ERC2: variants seen among roughly 807,000 people sequenced by gnomAD.
ERC2 encodes ELKS/RAB6-interacting/CAST family member 2, also known as ERC protein 2.
Under a neutral mutation model 114.8 loss-of-function variants are expected in ERC2, and 42 were observed. That is an observed-to-expected ratio of 0.37 (90% CI 0.29 to 0.47). ERC2 has a LOEUF of 0.47. Ranked by LOEUF, ERC2 falls within the 20% of genes least tolerant of loss-of-function variation. ERC2 has a pLI of 0.99. For synonymous variants in ERC2, 454 were observed against 425.5 expected, an observed-to-expected ratio of 1.07 and a Z score of -0.82; for missense variants, 939 against 1,150.7, an observed-to-expected ratio of 0.82 and a Z score of 2.66.
chr3:56,114,134 A>T (rs2079107435), intron 6 of ERC2, among the ~76,000 whole-genome samples: 1 of 152,232 alleles, frequency 6.6e-6, no homozygotes, highest in Non-Finnish European at 1.5e-5. Context: ...AGCTATGAAT[A>T]TTCATGAAGG....
In ERC2 at chr3:56,007,194, G is replaced by C; in HGVS notation, c.2048C>G (p.Ala683Gly). 1 of 1,564,888 alleles carries C rather than the reference G, an allele frequency of 6.4e-7. No homozygotes were observed. Among genetic ancestry groups the C allele is most frequent in the Non-Finnish European group, 8.7e-7 (1 of 1,154,434 alleles). The change falls in exon 10 of 18, where the codon GCA (alanine) becomes GGA (glycine). Residue 683 changes from alanine to glycine, a missense_variant. Around this residue, in one of 5 missense-constraint regions of ERC2, gnomAD observed 328 missense variants for 353.9 expected, o/e 0.93. Coordinates refer to ENST00000288221, the MANE Select transcript of ERC2 (RefSeq NM_015576.3). Reference protein sequence around the residue: ...QKKEECSKLEAQLKKAHNIED... With the variant: ...QKKEECSKLEGQLKKAHNIED... ...GACTTCACTTACCTTTTTTAACTGT[G>C]CTTCCAATTTGCTACATTCCTCTTT...
At chr3:56,466,453 C>G (rs1294586349) in intron 1 of ERC2, among the ~76,000 whole-genome samples, 1 of 152,200 alleles carries the variant, frequency 6.6e-6, no homozygotes, top group East Asian at 1.9e-4. Context: ...GAAAGTCTTG[C>G]TGGTGAAAAC....
chr3:56,093,792 G>A (rs1389091845), intron 6 of ERC2, among the ~76,000 whole-genome samples: 4 of 152,066 alleles, frequency 2.6e-5, no homozygotes, highest in African/African-American at 9.7e-5. Context: ...AATACTAGGT[G>A]TCTACAAGGT....
At chr3:55,952,538 C>T (rs2067652931) in intron 12 of ERC2, among the ~76,000 whole-genome samples, 1 of 152,088 alleles carries the variant, frequency 6.6e-6, no homozygotes, top group African/African-American at 2.4e-5. Flanking sequence ...TAACCTAAGG[C>T]AGGCGCATTT....
chr3:56,184,927 C>T (rs1378763118), intron 3 of ERC2, among the ~76,000 whole-genome samples: 1 of 152,190 alleles, frequency 6.6e-6, no homozygotes, highest in Non-Finnish European at 1.5e-5. Context: ...TTGCACTACT[C>T]TGTTGGACTC....
intron 17 of ERC2, among the ~76,000 whole-genome samples, chr3:55,515,156 T>G (rs1274235542): frequency 6.6e-6 from 1 of 152,200 alleles, no homozygotes; most frequent in African/African-American, 2.4e-5. Flanking sequence ...TGATGACAAT[T>G]ATGACGTCAA....
chr3:56,128,191 C>CTCAA (rs2079998182), intron 6 of ERC2, among the ~76,000 whole-genome samples: 1 of 152,304 alleles, frequency 6.6e-6, no homozygotes, highest in African/African-American at 2.4e-5. Context: ...TGTTTATATG[C>CTCAA]TCAAGGTCTT....
intron 13 of ERC2, among the ~76,000 whole-genome samples, chr3:55,934,102 A>G (rs1559893854): frequency 6.6e-6 from 1 of 152,238 alleles, no homozygotes; most frequent in Non-Finnish European, 1.5e-5. Context: ...ATATACGCGC[A>G]TATATACCAT....
At chr3:55,745,494 A>G (rs902936843) in intron 14 of ERC2, among the ~76,000 whole-genome samples, 6 of 152,226 alleles carry the variant, frequency 3.9e-5, no homozygotes, top group Non-Finnish European at 7.3e-5. Context: ...GACATACTGC[A>G]ATACCCTCTG....
At chr3:55,996,431 C>A (rs1263780967) in intron 10 of ERC2, among the ~76,000 whole-genome samples, 1 of 152,124 alleles carries the variant, frequency 6.6e-6, no homozygotes, top group Non-Finnish European at 1.5e-5. Context: ...AGATTTAATT[C>A]CACTGATTAA....
chr3:55,908,677 G>A (rs2064615705), intron 13 of ERC2, among the ~76,000 whole-genome samples: 1 of 152,144 alleles, frequency 6.6e-6, no homozygotes, highest in Admixed American at 6.5e-5. Flanking sequence ...TATAAACTGA[G>A]CTCATGAATT....
At chr3:55,986,698 T>G (rs1171386797) in intron 11 of ERC2, among the ~76,000 whole-genome samples, 2 of 152,018 alleles carry the variant, frequency 1.3e-5, no homozygotes, top group Non-Finnish European at 2.9e-5. Context: ...CCGACTTCAT[T>G]ACTGAAAATA....
chr3:56,431,487 A>T (rs1242446995), intron 2 of ERC2, among the ~76,000 whole-genome samples: 1 of 152,212 alleles, frequency 6.6e-6, no homozygotes, highest in Non-Finnish European at 1.5e-5. Context: ...TGCATGGAAA[A>T]GACCCGTCCC....
chr3:56,087,036 T>C (rs2149775350), intron 6 of ERC2, among the ~76,000 whole-genome samples: 1 of 152,236 alleles, frequency 6.6e-6, no homozygotes. Context: ...TAGAACTGTA[T>C]GATATAGTCC....
At chr3:56,349,768 C>G (rs1292215990) in intron 2 of ERC2, among the ~76,000 whole-genome samples, 1 of 152,072 alleles carries the variant, frequency 6.6e-6, no homozygotes. Flanking sequence ...CAAAAATTAG[C>G]CAGGCTTGGT....
At chr3:55,518,306 C>T (rs1361551116) in intron 17 of ERC2, among the ~76,000 whole-genome samples, 1 of 152,114 alleles carries the variant, frequency 6.6e-6, no homozygotes, top group Admixed American at 6.5e-5. Context: ...GATATGAACA[C>T]TTTTGGAGAA....
Position 56,367,793 on chromosome 3 carries a change from G to T in ERC2, c.657+66558C>A, listed in dbSNP as rs565298969. On this transcript the variant is annotated intron_variant, in intron 2 of 17. Transcript: ENST00000288221. ...AGCTAATTGGACTATCCCAGAAAAA[G>T]ATCTATGGAATTTCTCTTTTCACAA... 4.6e-5 allele frequency among the ~76,000 whole-genome samples: 7 copies of T among 151,954 alleles called. No homozygotes were observed. The South Asian group carries it at 1.5e-3, about 32-fold the overall frequency.
intron 7 of ERC2, among the ~76,000 whole-genome samples, chr3:56,037,809 C>T (rs2074900990): frequency 1.3e-5 from 2 of 152,076 alleles, no homozygotes; most frequent in Admixed American, 6.6e-5. Context: ...AGAGAAAGGT[C>T]AAGTCACTTA....
intron 13 of ERC2, among the ~76,000 whole-genome samples, chr3:55,898,799 G>A (rs75390219): frequency 0.011 from 1,736 of 151,936 alleles, 22 homozygotes; most frequent in Non-Finnish European, 0.017. Flanking sequence ...CAAGAAACCC[G>A]CTTTGTAACA....
Sources: gnomAD v4.1 joint callset for allele counts (sites outside exome capture counted in the v4.1 genomes callset) on GRCh38, gnomAD v4.1.1 for gene constraint, gnomAD v4.1.1 regional missense constraint, MANE v1.5 for transcripts, NCBI Gene and HGNC (gene_info 2026-07-23, HGNC 2026-07-21) for gene names.